Variants in STK32A observed in about 807,000 individuals in gnomAD.
The protein encoded by STK32A is serine/threonine kinase 32A.
In STK32A, 41 loss-of-function variants were observed where a neutral mutation model predicts 53.2. The ratio of observed to expected loss-of-function variants is 0.77; its 90% CI spans 0.60 to 1.00. The LOEUF is 1.00. STK32A is among the 50% of genes least tolerant of loss of function. The probability of loss-of-function intolerance (pLI) is 0.00; values close to 1 mark genes in which losing one functional copy is unlikely to be tolerated. For missense variants in STK32A, 458 were observed against 485.8 expected (o/e 0.94, Z 0.54); for synonymous variants, 166 against 162.8 (o/e 1.02, Z -0.15).
chr5:147,302,612 A>G (rs900338141), intron 4 of STK32A, among the ~76,000 whole-genome samples: 7 of 152,170 alleles, frequency 4.6e-5, no homozygotes, highest in African/African-American at 1.7e-4. Context: ...GTACAAGACT[A>G]TAGGGAGGCA....
chr5:147,350,374 T>C (rs1755911122), intron 6 of STK32A, among the ~76,000 whole-genome samples: 1 of 151,944 alleles, frequency 6.6e-6, no homozygotes, highest in Non-Finnish European at 1.5e-5. Context: ...TTCTTTTCTT[T>C]TTTTTTTGAG....
At chr5:147,319,139 C>CTTT (rs146817721) in intron 4 of STK32A, among the ~76,000 whole-genome samples, 9 of 100,558 alleles carry the variant, frequency 9.0e-5, no homozygotes, top group Non-Finnish European at 1.4e-4. Context: ...ACAACTGGTA[C>CTTT]TTTTTTTTTT....
intron 6 of STK32A, among the ~76,000 whole-genome samples, chr5:147,350,435 C>A (rs1480394318): frequency 6.6e-6 from 1 of 151,712 alleles, no homozygotes; most frequent in Non-Finnish European, 1.5e-5. Context: ...GATCTCAGCT[C>A]ACTGCAACCT....
At chr5:147,330,239 G>T (rs1240611978) in intron 5 of STK32A, among the ~76,000 whole-genome samples, 1 of 152,198 alleles carries the variant, frequency 6.6e-6, no homozygotes, top group Non-Finnish European at 1.5e-5. Context: ...CAGAATGTTG[G>T]CAGGAGGTAT....
At chr5:147,279,536 T>G in intron 4 of STK32A, 138 bp downstream of exon 4, 1 of 747,792 alleles carries the variant, frequency 1.3e-6, no homozygotes, top group Non-Finnish European at 2.1e-6. Context: ...AGTTCAAGGA[T>G]GAGTTGGAAA....
chr5:147,371,894 C>A (rs1757019862), intron 9 of STK32A, among the ~76,000 whole-genome samples: 1 of 152,160 alleles, frequency 6.6e-6, no homozygotes. Flanking sequence ...GGAAGCACAA[C>A]TTTAGCTCTT....
At chr5:147,346,633 C>G (rs1163006124) in intron 6 of STK32A, among the ~76,000 whole-genome samples, 1 of 152,170 alleles carries the variant, frequency 6.6e-6, no homozygotes, top group African/African-American at 2.4e-5. Flanking sequence ...TAGTTCAGAG[C>G]AAGATGACAT....
At chr5:147,260,045 C>T (rs188995056) in intron 2 of STK32A, among the ~76,000 whole-genome samples, 6 of 145,650 alleles carry the variant, frequency 4.1e-5, no homozygotes, top group Non-Finnish European at 7.5e-5. Flanking sequence ...TCTCTCCTGT[C>T]TCTCCTCTCT....
downstream of STK32A, among the ~76,000 whole-genome samples, chr5:147,388,220 C>T (rs553712540): frequency 2.0e-5 from 3 of 152,272 alleles, no homozygotes; most frequent in Non-Finnish European, 2.9e-5. Flanking sequence ...ATCCGTGCCC[C>T]ATTCCATATA....
intron 11 of STK32A, 156 bp downstream of exon 11, chr5:147,375,374 A>G (rs1757194362): frequency 3.5e-6 from 3 of 864,614 alleles, no homozygotes; most frequent in Non-Finnish European, 5.1e-6. Context: ...AGGGCAGACC[A>G]GAGCTCCTCT....
At chr5:147,371,147 T>A (rs1195536442) in intron 9 of STK32A, among the ~76,000 whole-genome samples, 4 of 152,112 alleles carry the variant, frequency 2.6e-5, no homozygotes, top group South Asian at 2.1e-4. Context: ...TATTAAAATA[T>A]TTCACTTCTC....
chr5:147,343,147 T>C, intron 6 of STK32A, 104 bp downstream of exon 6: 2 of 1,285,574 alleles, frequency 1.6e-6, no homozygotes, highest in Non-Finnish European at 2.2e-6. Context: ...TTTTGTTCTA[T>C]TCATTCGAGC....
intron 2 of STK32A, 101 bp downstream of exon 2, chr5:147,239,787 C>A: frequency 2.2e-6 from 2 of 907,822 alleles, no homozygotes; most frequent in Non-Finnish European, 1.7e-6. Flanking sequence ...GTCTGTAGGG[C>A]CTTGAAGGAA....
chr5:147,266,818 A>C (rs779051060), intron 2 of STK32A, among the ~76,000 whole-genome samples: 38 of 152,246 alleles, frequency 2.5e-4, no homozygotes, highest in Non-Finnish European at 4.6e-4. Context: ...TGAGGTCGGG[A>C]GTTCAAGACC....
chr5:147,258,505 C>T (rs575754591), intron 2 of STK32A, among the ~76,000 whole-genome samples: 1 of 152,110 alleles, frequency 6.6e-6, no homozygotes, highest in Admixed American at 6.5e-5. Context: ...AATTATACAA[C>T]ATTTCTTACA....
chr5:147,286,819 T>A (rs533529275), intron 4 of STK32A, among the ~76,000 whole-genome samples: 7 of 152,228 alleles, frequency 4.6e-5, no homozygotes, highest in South Asian at 2.1e-4. Context: ...ATATATATAT[T>A]TTTAAACATT....
In STK32A at chr5:147,324,029, T is replaced by A; in HGVS notation, c.392T>A (p.Val131Asp). ...ETVKLFICEL[V>D]MALDYLQNQR... ...GTGAAGCTCTTCATCTGTGAGCTGG[T>A]CATGGCCCTGGACTACCTGCAGAAC... Residue 131 changes from valine (V) to aspartate (D), a missense_variant, in exon 5 of 13, where the codon GTC (valine) becomes GAC (aspartate). Val to Asp is a radical substitution (Grantham distance 152). Transcript: ENST00000397936. 3 of 1,610,400 alleles carry A rather than the reference T, an allele frequency of 1.9e-6. No homozygotes were observed. Among genetic ancestry groups the A allele is most frequent in the Non-Finnish European group, 2.5e-6 (3 of 1,178,396 alleles).
chr5:147,274,600 C>A (rs951196495), intron 2 of STK32A, among the ~76,000 whole-genome samples: 5 of 152,154 alleles, frequency 3.3e-5, no homozygotes, highest in African/African-American at 1.2e-4. Context: ...CCTGATAATA[C>A]CCAGGTGCTA....
chr5:147,357,811 T>C (rs1478642226), intron 7 of STK32A, among the ~76,000 whole-genome samples: 3 of 152,088 alleles, frequency 2.0e-5, no homozygotes, highest in Non-Finnish European at 4.4e-5. Flanking sequence ...GTATGATTAT[T>C]AAATAATTGT....
Sources: allele counts gnomAD v4.1 joint callset (sites outside exome capture counted in the v4.1 genomes callset), GRCh38; gene constraint gnomAD v4.1.1; transcripts MANE v1.5; gene names NCBI Gene and HGNC (gene_info 2026-07-23, HGNC 2026-07-21).